Variants in FHIP2A observed in about 807,000 individuals in gnomAD.
FHIP2A encodes the protein family with sequence similarity 160 member B1.
A neutral mutation model predicts 93.5 loss-of-function variants in FHIP2A; 46 were observed. The ratio of observed to expected loss-of-function variants is 0.49; its 90% CI spans 0.39 to 0.63. The LOEUF is 0.63. Among genes scored for constraint, FHIP2A ranks in the 20% least tolerant of loss-of-function variants. The pLI is 0.00. For synonymous variants in FHIP2A, 332 were observed against 326.5 expected (o/e 1.02, Z -0.18); for missense variants, 769 against 909.7 (o/e 0.85, Z 1.99).
downstream of FHIP2A, among the ~76,000 whole-genome samples, chr10:114,865,049 A>T (rs1438531101): frequency 6.6e-6 from 1 of 151,868 alleles, no homozygotes; most frequent in Admixed American, 6.6e-5. Context: ...ATGCAATGGC[A>T]TGATCTCAGC....
intron 5 of FHIP2A, among the ~76,000 whole-genome samples, chr10:114,842,531 C>A (rs1233798747): frequency 1.3e-5 from 2 of 151,644 alleles, no homozygotes; most frequent in African/African-American, 4.8e-5. Context: ...TGCAAACCAC[C>A]CCCCCCACCC....
At chr10:114,895,084 T>C (rs2083994502) in intron 16 of FHIP2A, among the ~76,000 whole-genome samples, 1 of 152,232 alleles carries the variant, frequency 6.6e-6, no homozygotes, top group Admixed American at 6.5e-5. Flanking sequence ...GTTAATCTCA[T>C]GTGAATAGAC....
downstream of FHIP2A, among the ~76,000 whole-genome samples, chr10:114,866,369 A>G (rs2083829440): frequency 6.6e-6 from 1 of 152,164 alleles, no homozygotes; most frequent in Non-Finnish European, 1.5e-5. Context: ...TCTATCATTG[A>G]TGGGCATTTG....
At chr10:114,886,835 T>G (rs1372804778) in intron 16 of FHIP2A, among the ~76,000 whole-genome samples, 1 of 151,946 alleles carries the variant, frequency 6.6e-6, no homozygotes, top group East Asian at 1.9e-4. Flanking sequence ...ACCTGGCCTT[T>G]TTTTGTTTTG....
At chr10:114,856,986 G>A (rs372473732) in intron 14 of FHIP2A, among the ~76,000 whole-genome samples, 1 of 152,130 alleles carries the variant, frequency 6.6e-6, no homozygotes. Context: ...AGCTACTCAG[G>A]AGTCTGAGGC....
intron 16 of FHIP2A, among the ~76,000 whole-genome samples, chr10:114,891,535 ATATGTG>A (rs1332917427): frequency 0.018 from 2,244 of 126,440 alleles, 65 homozygotes; most frequent in African/African-American, 0.073. Context: ...ATATATATAT[ATATGTG>A]TGTGTGTGTG....
Position 114,845,489 on chromosome 10 carries a change from AT to A in FHIP2A, c.1128+14del. 6.5e-7 allele frequency: 1 copy of A among 1,530,572 alleles called. No individual in the cohort carries two copies. The highest frequency in any genetic ancestry group is 9.0e-7 in the Non-Finnish European group (1 of 1,111,814). The allele number at this position is 1,530,572 out of a possible 1,614,324, so 94.8% of individuals were successfully genotyped here. On this transcript the variant is annotated intron_variant, in intron 8 of 16. Transcript: ENST00000369248. ...ATTAAGGAAGCCCAAAAGGTTTGTA[AT>A]TTTTTATTGTTTTTTGATCATTTTA...
chr10:114,831,171 C>T (rs992644860), intron 2 of FHIP2A, among the ~76,000 whole-genome samples: 3 of 152,188 alleles, frequency 2.0e-5, no homozygotes, highest in Admixed American at 1.3e-4. Flanking sequence ...ACAGACAACA[C>T]TGCTGTCCTC....
chr10:114,863,558 A>G lies in FHIP2A; in HGVS notation c.*2018A>G, dbSNP rs1015026771. The G allele has an allele frequency of 9.2e-6, 11 of 1,194,744 alleles. No homozygotes were observed. Among genetic ancestry groups the G allele is most frequent in the Non-Finnish European group, 1.1e-5 (10 of 947,116 alleles). 74.0% of individuals were successfully genotyped at this position (1,194,744 alleles called of 1,614,324 possible). On this transcript the variant is annotated 3_prime_UTR_variant, in exon 17 of 17. Coordinates refer to ENST00000369248, the MANE Select transcript of FHIP2A (RefSeq NM_020940.4). ...AAATATAATTTTTCTAAGTTGTTGT[A>G]ATGACTTTAATTTGTAATCAGCTAA... is the stretch of plus-strand genomic sequence containing the variant.
chr10:114,846,520 A>T, intron 10 of FHIP2A, 39 bp from the exon 11 acceptor site: 1 of 1,534,778 alleles, frequency 6.5e-7, no homozygotes, highest in Non-Finnish European at 8.8e-7. Context: ...ACTTATGTAA[A>T]GACATTTTTC....
At chr10:114,888,677 A>G (rs1464129288) in intron 16 of FHIP2A, among the ~76,000 whole-genome samples, 1 of 152,024 alleles carries the variant, frequency 6.6e-6, no homozygotes, top group African/African-American at 2.4e-5. Context: ...ATCTTAGCTC[A>G]CTGCAAACTC....
chr10:114,873,558 A>G (rs1170004102), intron 16 of FHIP2A, among the ~76,000 whole-genome samples: 1 of 152,206 alleles, frequency 6.6e-6, no homozygotes, highest in East Asian at 1.9e-4. Context: ...AGTATCTGCA[A>G]AAAACTGTTT....
chr10:114,878,775 C>CAAAA (rs71007499), intron 16 of FHIP2A, among the ~76,000 whole-genome samples: 4 of 101,088 alleles, frequency 4.0e-5, no homozygotes, highest in African/African-American at 1.0e-4. Context: ...GACTTCGCCT[C>CAAAA]AAAAAAAAAA....
chr10:114,883,397 T>C (rs1172153089), intron 16 of FHIP2A, among the ~76,000 whole-genome samples: 1 of 152,104 alleles, frequency 6.6e-6, no homozygotes, highest in Non-Finnish European at 1.5e-5. Context: ...GACACCGTGC[T>C]TTGTAGAACA....
At chr10:114,828,741 T>C (rs2083591571) in intron 1 of FHIP2A, among the ~76,000 whole-genome samples, 1 of 152,314 alleles carries the variant, frequency 6.6e-6, no homozygotes, top group Admixed American at 6.5e-5. Context: ...TTTCTCCCCA[T>C]GTTCTCCTTG....
chr10:114,872,708 A>T (rs2083865716), intron 16 of FHIP2A, among the ~76,000 whole-genome samples: 1 of 152,220 alleles, frequency 6.6e-6, no homozygotes, highest in Non-Finnish European at 1.5e-5. Flanking sequence ...AAGGCACTTG[A>T]TTCCATAGGC....
At chr10:114,846,973 A>T (rs1261634831) in intron 11 of FHIP2A, 117 bp from the exon 12 acceptor site, 2 of 974,504 alleles carry the variant, frequency 2.1e-6, no homozygotes, top group Non-Finnish European at 3.0e-6. Flanking sequence ...ATAATTCCTT[A>T]ATCCTTTATA....
chr10:114,855,934 C>T (rs2083763890), intron 14 of FHIP2A, among the ~76,000 whole-genome samples: 1 of 152,144 alleles, frequency 6.6e-6, no homozygotes, highest in Non-Finnish European at 1.5e-5. Context: ...ATTATGGAAT[C>T]CCTCCTTCCA....
In FHIP2A at chr10:114,861,253, G is replaced by A. The variant is rs780960997; in HGVS notation, c.2111G>A (p.Arg704Gln). ...IVRVVGDLML[R>Q]IQRIQDFTPK... ...CAGGTTGTTGGAGACCTTATGCTTC[G>A]AATCCAGCGTATTCAAGACTTTACT... The change falls in exon 16 of 17, where the codon CGA (arginine) becomes CAA (glutamine). Residue 704 changes from arginine to glutamine, a missense_variant. Transcript: ENST00000369248. 12 of 1,614,122 alleles carry A rather than the reference G, an allele frequency of 7.4e-6. No homozygotes were observed. Among genetic ancestry groups the A allele is most frequent in the East Asian group, 2.2e-5 (1 of 44,884 alleles).
Sources: gnomAD v4.1 joint callset for allele counts (sites outside exome capture counted in the v4.1 genomes callset) on GRCh38, gnomAD v4.1.1 for gene constraint, MANE v1.5 for transcripts, NCBI Gene and HGNC (gene_info 2026-07-23, HGNC 2026-07-21) for gene names.